Variants in BBS9 observed in about 807,000 individuals in gnomAD.
The protein encoded by BBS9 is Bardet-Biedl syndrome 9.
Under a neutral mutation model 117.7 loss-of-function variants are expected in BBS9, and 89 were observed. The ratio of observed to expected loss-of-function variants is 0.76; its 90% CI spans 0.64 to 0.90. The LOEUF (loss-of-function observed/expected upper bound fraction) is 0.90. Ranked by LOEUF, BBS9 falls within the 40% of genes least tolerant of loss-of-function variation. The probability of loss-of-function intolerance (pLI) is 0.00; values close to 1 mark genes in which losing one functional copy is unlikely to be tolerated. For missense variants in BBS9, 982 were observed against 1,042.2 expected (o/e 0.94, Z 0.80); for synonymous variants, 379 against 370.9 (o/e 1.02, Z -0.25).
At chr7:33,613,887 A>G (rs1165611282) in intron 21 of BBS9, among the ~76,000 whole-genome samples, 1 of 152,118 alleles carries the variant, frequency 6.6e-6, no homozygotes, top group Non-Finnish European at 1.5e-5. Flanking sequence ...AGTCTAGAGT[A>G]AAGTGTTTCT....
chr7:33,278,659 C>A (rs1801244060), intron 9 of BBS9, among the ~76,000 whole-genome samples: 1 of 152,048 alleles, frequency 6.6e-6, no homozygotes. Flanking sequence ...GGTTCCAGGA[C>A]TATTTCTTCA....
At chr7:33,381,930 C>A (rs757957711) in intron 17 of BBS9, among the ~76,000 whole-genome samples, 11 of 152,202 alleles carry the variant, frequency 7.2e-5, no homozygotes, top group Non-Finnish European at 1.3e-4. Context: ...GTCCTAATAA[C>A]CAATCCGAAG....
chr7:33,432,374 G>C (rs1219517851), intron 19 of BBS9, among the ~76,000 whole-genome samples: 1 of 151,604 alleles, frequency 6.6e-6, no homozygotes, highest in Non-Finnish European at 1.5e-5. Context: ...CTCCCAAAGT[G>C]CTGGGATTAC....
Position 33,491,487 on chromosome 7 carries a change from A to G in BBS9, c.2116-13976A>G, listed in dbSNP as rs78575953. 2.5e-3 allele frequency among the ~76,000 whole-genome samples: 379 copies of G among 152,336 alleles called. 5 individuals are homozygous for G. In the South Asian group the frequency reaches 0.035, roughly 14 times the overall value. ...ACTTCTAAGAGAATGTTCTGCTAGT[A>G]ATATTAAGCTAATATGCTACCCTTC... On this transcript the variant is annotated intron_variant, in intron 19 of 22. Coordinates refer to ENST00000242067, the MANE Select transcript of BBS9 (RefSeq NM_198428.3).
chr7:33,443,904 C>T (rs1377757403), intron 19 of BBS9, among the ~76,000 whole-genome samples: 4 of 152,208 alleles, frequency 2.6e-5, no homozygotes, highest in Non-Finnish European at 2.9e-5. Context: ...TCAAACTGTG[C>T]TCACCACAGT....
intron 18 of BBS9, among the ~76,000 whole-genome samples, chr7:33,385,863 C>T (rs1825911312): frequency 6.6e-6 from 1 of 151,736 alleles, no homozygotes; most frequent in African/African-American, 2.4e-5. Context: ...ATTTTTATTA[C>T]TTAATTTTTG....
intron 18 of BBS9, among the ~76,000 whole-genome samples, 179 bp from the exon 19 acceptor site, chr7:33,387,813 T>A (rs1471623126): frequency 6.6e-6 from 1 of 152,230 alleles, no homozygotes; most frequent in Non-Finnish European, 1.5e-5. Flanking sequence ...TGTTCCACTG[T>A]ATTATCTGTG....
intron 21 of BBS9, among the ~76,000 whole-genome samples, chr7:33,611,125 A>G (rs1014073258): frequency 3.9e-5 from 6 of 152,034 alleles, no homozygotes; most frequent in African/African-American, 1.4e-4. Context: ...TTAAAATGCT[A>G]TTAAATTGAT....
intron 19 of BBS9, among the ~76,000 whole-genome samples, chr7:33,452,157 A>T (rs757435227): frequency 2.8e-4 from 42 of 151,730 alleles, no homozygotes; most frequent in Non-Finnish European, 4.1e-4. Context: ...TGATATAGGG[A>T]TCTTACCAAC....
At chr7:33,372,851 A>G (rs967184903) in intron 17 of BBS9, among the ~76,000 whole-genome samples, 4 of 152,150 alleles carry the variant, frequency 2.6e-5, no homozygotes, top group Non-Finnish European at 5.9e-5. Flanking sequence ...TGCTCTGTTC[A>G]GATTTTCTAT....
chr7:33,375,965 C>A (rs1179034347), intron 17 of BBS9, among the ~76,000 whole-genome samples: 1 of 151,868 alleles, frequency 6.6e-6, no homozygotes, highest in East Asian at 1.9e-4. Context: ...AAGAAAGAAA[C>A]AGAAACTAAA....
intron 5 of BBS9, among the ~76,000 whole-genome samples, chr7:33,232,678 T>C (rs1792710971): frequency 6.6e-6 from 1 of 152,168 alleles, no homozygotes; most frequent in Non-Finnish European, 1.5e-5. Flanking sequence ...AGATTAATAC[T>C]AACTTCCTCA....
intron 5 of BBS9, among the ~76,000 whole-genome samples, chr7:33,235,726 C>G (rs1341552260): frequency 6.6e-6 from 1 of 152,008 alleles, no homozygotes; most frequent in Non-Finnish European, 1.5e-5. Flanking sequence ...TATGTATGCA[C>G]TAAAGATTCA....
chr7:33,540,857 T>C (rs977107759), intron 21 of BBS9, among the ~76,000 whole-genome samples: 2 of 152,220 alleles, frequency 1.3e-5, no homozygotes, highest in Non-Finnish European at 2.9e-5. Flanking sequence ...CTCTTGAGCA[T>C]AGGCCAAGTC....
chr7:33,536,681 T>TCCCCCCCCCCCCCCCC (rs1563323298), intron 21 of BBS9, among the ~76,000 whole-genome samples: 3 of 44,196 alleles, frequency 6.8e-5, no homozygotes, highest in African/African-American at 1.9e-4. Context: ...GATTCGGCCT[T>TCCCCCCCCCCCCCCCC]CCCCCCGCCC....
chr7:33,186,401 C>CT (rs1472445112), intron 5 of BBS9, among the ~76,000 whole-genome samples: 1 of 152,110 alleles, frequency 6.6e-6, no homozygotes, highest in Non-Finnish European at 1.5e-5. Flanking sequence ...CATCTAGAGG[C>CT]TTCTGGTATT....
At chr7:33,235,415 T>G (rs748699728) in intron 5 of BBS9, among the ~76,000 whole-genome samples, 1 of 152,080 alleles carries the variant, frequency 6.6e-6, no homozygotes, top group Non-Finnish European at 1.5e-5. Flanking sequence ...GCAATGAGAA[T>G]TTTGAACTTG....
chr7:33,464,747 C>T (rs1839925557), intron 19 of BBS9, among the ~76,000 whole-genome samples: 1 of 151,752 alleles, frequency 6.6e-6, no homozygotes, highest in African/African-American at 2.4e-5. Context: ...TTATTATATT[C>T]TCATGAGTCT....
intron 17 of BBS9, among the ~76,000 whole-genome samples, chr7:33,381,436 G>A (rs575220158): frequency 7.9e-5 from 12 of 152,174 alleles, no homozygotes; most frequent in African/African-American, 2.6e-4. Context: ...ACTGAGTTAC[G>A]TAAATGAATG....
Sources: allele counts gnomAD v4.1 joint callset (sites outside exome capture counted in the v4.1 genomes callset), GRCh38; gene constraint gnomAD v4.1.1; transcripts MANE v1.5; gene names NCBI Gene and HGNC (gene_info 2026-07-23, HGNC 2026-07-21).